PDGFC: variants seen among roughly 807,000 people sequenced by gnomAD.
The protein encoded by PDGFC is platelet derived growth factor C, also known as platelet-derived growth factor C.
Under a neutral mutation model 35.5 loss-of-function variants are expected in PDGFC, and 12 were observed. That is an observed-to-expected ratio of 0.34 (90% CI 0.22 to 0.55). The LOEUF (loss-of-function observed/expected upper bound fraction) is 0.55, where lower values mean the gene tolerates loss of function less well. PDGFC is among the 20% of genes least tolerant of loss of function. PDGFC has a pLI of 0.91. For synonymous variants in PDGFC, 159 were observed against 148.8 expected, an observed-to-expected ratio of 1.07 and a Z score of -0.50; for missense variants, 322 against 412.4, an observed-to-expected ratio of 0.78 and a Z score of 1.90.
At chr4:156,786,662 G>A (rs2110865719) in intron 3 of PDGFC, among the ~76,000 whole-genome samples, 1 of 152,268 alleles carries the variant, frequency 6.6e-6, no homozygotes, top group East Asian at 1.9e-4. Context: ...AGAGCTGCCA[G>A]ATAAAACAGA....
chr4:156,824,676 G>A (rs1049221509), intron 2 of PDGFC, among the ~76,000 whole-genome samples: 4 of 151,184 alleles, frequency 2.6e-5, no homozygotes, highest in Non-Finnish European at 5.9e-5. Flanking sequence ...GCACTTTTAC[G>A]GAAACATCAC....
chr4:156,775,579 T>C (rs1730807543), intron 3 of PDGFC, among the ~76,000 whole-genome samples: 1 of 152,180 alleles, frequency 6.6e-6, no homozygotes, highest in South Asian at 2.1e-4. Context: ...AGCATTTCTT[T>C]TGAAGCAATA....
At position 156,864,679 on chromosome 4, in the gene PDGFC, T is replaced by A. The variant is rs534915611; in HGVS notation, c.119-14263A>T. On this transcript the variant is annotated intron_variant, in intron 1 of 5. Coordinates refer to ENST00000502773, the MANE Select transcript of PDGFC (RefSeq NM_016205.3). ...TCTGGTGTGGTACGGCAGTACAATA[T>A]AGTAGCACCATTATGATAAAGAGCA... 5.3e-5 allele frequency among the ~76,000 whole-genome samples: 8 copies of A among 152,198 alleles called. No homozygotes were observed. The South Asian group carries it at 1.2e-3, about 24-fold the overall frequency.
At chr4:156,808,816 G>A (rs1731846515) in intron 3 of PDGFC, among the ~76,000 whole-genome samples, 2 of 152,050 alleles carry the variant, frequency 1.3e-5, no homozygotes, top group African/African-American at 4.8e-5. Flanking sequence ...GCTGTAAGTA[G>A]AGAGATGAAT....
intron 3 of PDGFC, among the ~76,000 whole-genome samples, chr4:156,777,846 T>TA (rs1046988400): frequency 1.3e-5 from 2 of 152,188 alleles, no homozygotes; most frequent in African/African-American, 4.8e-5. Flanking sequence ...CTCACACCTG[T>TA]AATCCCAGCA....
At chr4:156,874,568 G>T (rs951136874) in intron 1 of PDGFC, among the ~76,000 whole-genome samples, 1 of 152,070 alleles carries the variant, frequency 6.6e-6, no homozygotes, top group Non-Finnish European at 1.5e-5. Context: ...AATAAAAAAT[G>T]AATCAGTAGC....
At chr4:156,833,514 C>T (rs1466398934) in intron 2 of PDGFC, among the ~76,000 whole-genome samples, 1 of 152,056 alleles carries the variant, frequency 6.6e-6, no homozygotes, top group African/African-American at 2.4e-5. Context: ...ACTTTATTGT[C>T]AAAATCATCA....
intron 1 of PDGFC, among the ~76,000 whole-genome samples, chr4:156,881,489 G>A (rs537765405): frequency 7.9e-5 from 12 of 152,146 alleles, no homozygotes; most frequent in East Asian, 3.9e-4. Flanking sequence ...GGGACCCAGC[G>A]GGAGATAACT....
intron 3 of PDGFC, among the ~76,000 whole-genome samples, chr4:156,790,447 G>T (rs1731264635): frequency 6.6e-6 from 1 of 152,184 alleles, no homozygotes. Context: ...TTATGCCATG[G>T]TCACAAAGTC....
chr4:156,779,449 G>C (rs1391847320), intron 3 of PDGFC, among the ~76,000 whole-genome samples: 1 of 152,074 alleles, frequency 6.6e-6, no homozygotes, highest in Non-Finnish European at 1.5e-5. Context: ...CATGACAATT[G>C]AATAAAACTT....
At chr4:156,812,518 C>A (rs1731965223) in intron 2 of PDGFC, among the ~76,000 whole-genome samples, 1 of 151,944 alleles carries the variant, frequency 6.6e-6, no homozygotes, top group Admixed American at 6.6e-5. Context: ...TGGTTGTAAA[C>A]CACTGATAGA....
intron 2 of PDGFC, among the ~76,000 whole-genome samples, chr4:156,825,163 T>G (rs1732407457): frequency 6.6e-6 from 1 of 152,066 alleles, no homozygotes; most frequent in African/African-American, 2.4e-5. Context: ...AGGAAAAGGG[T>G]AGGCCCTCCT....
chr4:156,834,284 T>C (rs1480816677), intron 2 of PDGFC, among the ~76,000 whole-genome samples: 1 of 152,184 alleles, frequency 6.6e-6, no homozygotes, highest in East Asian at 1.9e-4. Flanking sequence ...TTTTTGGATG[T>C]TCTTAATCCA....
At chr4:156,870,777 A>C (rs1729963041) in intron 1 of PDGFC, among the ~76,000 whole-genome samples, 1 of 152,140 alleles carries the variant, frequency 6.6e-6, no homozygotes, top group Non-Finnish European at 1.5e-5. Context: ...TGACTTTCTC[A>C]CTGATACATG....
At chr4:156,946,250 A>G (rs909761120) in intron 1 of PDGFC, among the ~76,000 whole-genome samples, 3 of 152,120 alleles carry the variant, frequency 2.0e-5, no homozygotes, top group Non-Finnish European at 4.4e-5. Context: ...ATATTTCTTT[A>G]TCTACCACCT....
At chr4:156,815,323 TACACACACACACACACAC>T (rs3042796) in intron 2 of PDGFC, among the ~76,000 whole-genome samples, 67 of 145,096 alleles carry the variant, frequency 4.6e-4, no homozygotes, top group African/African-American at 1.3e-3. Context: ...AATAATTTTT[TACACACACACACACACAC>T]ACACACACAC....
At chr4:156,931,582 G>A (rs973410718) in intron 1 of PDGFC, among the ~76,000 whole-genome samples, 1 of 151,994 alleles carries the variant, frequency 6.6e-6, no homozygotes, top group Non-Finnish European at 1.5e-5. Context: ...TTAGAGCTGG[G>A]ACAACTAAGG....
At chr4:156,925,161 T>C (rs955800667) in intron 1 of PDGFC, among the ~76,000 whole-genome samples, 1 of 152,212 alleles carries the variant, frequency 6.6e-6, no homozygotes, top group Admixed American at 6.5e-5. Context: ...GAAATGTCAG[T>C]TGGCCAAAAC....
At chr4:156,808,093 C>G (rs1156678807) in intron 3 of PDGFC, among the ~76,000 whole-genome samples, 3 of 151,900 alleles carry the variant, frequency 2.0e-5, no homozygotes, top group Admixed American at 6.6e-5. Flanking sequence ...GGTGTCATTC[C>G]TGTGAGTCTA....
Sources: gnomAD v4.1 joint callset for allele counts (sites outside exome capture counted in the v4.1 genomes callset) on GRCh38, gnomAD v4.1.1 for gene constraint, MANE v1.5 for transcripts, NCBI Gene and HGNC (gene_info 2026-07-23, HGNC 2026-07-21) for gene names.